The following PTH1R variants were observed in gnomAD, a reference collection of about 807,000 sequenced individuals.
PTH1R encodes parathyroid hormone/parathyroid hormone-related peptide receptor.
In PTH1R, 32 loss-of-function variants were observed where a neutral mutation model predicts 70.7. The observed-to-expected ratio is 0.45, with a 90% CI of 0.34 to 0.61. The LOEUF is 0.61. PTH1R is among the 20% of genes least tolerant of loss of function. The pLI is 0.01. For missense variants in PTH1R, 626 were observed against 792.5 expected, an observed-to-expected ratio of 0.79 and a Z score of 2.52; for synonymous variants, 329 against 324.8, an observed-to-expected ratio of 1.01 and a Z score of -0.14.
Position 46,895,866 on chromosome 3 carries a change from C to T in PTH1R, c.310C>T (p.Arg104Ter), listed in dbSNP as rs121434604. 3 of 1,612,840 alleles carry T rather than the reference C, an allele frequency of 1.9e-6. No individual in the cohort carries two copies. Among genetic ancestry groups the T allele is most frequent in the South Asian group, 1.1e-5 (1 of 90,970 alleles). The change falls in exon 5 of 16, where the codon CGA becomes TGA. Residue 104 changes from arginine to a stop codon, truncating the protein, a stop_gained. Coordinates refer to ENST00000449590, the MANE Select transcript of PTH1R (RefSeq NM_000316.3). LOFTEE classifies it high-confidence loss of function. ...DKEAPTGSRY[R>*]GRPCLPEWDH... The stretch of plus-strand genomic sequence containing the variant: ...GGAGGCACCCACTGGCAGCAGGTAC[C>T]GAGGTACGTCTCTGCTTCCATGCAT...
Position 46,895,872 on chromosome 3 carries a change from A to T in PTH1R, c.313+3A>T, listed in dbSNP as rs1274085501. 4 of 1,612,418 alleles carry T rather than the reference A, an allele frequency of 2.5e-6. No individual in the cohort carries two copies. In the African/African-American group the frequency reaches 4.0e-5, roughly 16 times the overall value. ...ACCCACTGGCAGCAGGTACCGAGGT[A>T]CGTCTCTGCTTCCATGCATCCAGCT... On this transcript the variant is annotated splice_donor_region_variant and intron_variant, in intron 5 of 15. Transcript: ENST00000449590.
Position 46,896,088 on chromosome 3 carries a change from C to A in PTH1R, c.313+219C>A, listed in dbSNP as rs940719881. ...CAGAAAGAGATGAACAGAGAACTCT[C>A]CAGCACCACACCAAGAGTGGACCCA... is the stretch of plus-strand genomic sequence containing the variant. On this transcript the variant is annotated intron_variant, in intron 5 of 15. Coordinates refer to ENST00000449590, the MANE Select transcript of PTH1R (RefSeq NM_000316.3). This position sits in a 1 kb window ranked among gnomAD's most constrained non-coding sequence, Gnocchi z 4.1. 1.3e-5 allele frequency among the ~76,000 whole-genome samples: 2 copies of A among 152,140 alleles called. No homozygotes were observed. Among genetic ancestry groups the A allele is most frequent in the Admixed American group, 6.5e-5 (1 of 15,278 alleles).
At chr3:46,899,995 G>A (rs552605186) in intron 10 of PTH1R, among the ~76,000 whole-genome samples, 4 of 152,214 alleles carry the variant, frequency 2.6e-5, no homozygotes, top group Non-Finnish European at 5.9e-5. Context: ...CTGGAGCTGC[G>A]CACTCCTCCC....
Position 46,891,361 on chromosome 3 carries a change from C to T in PTH1R, c.76-2546C>T, listed in dbSNP as rs1223936940. Among the ~76,000 whole-genome samples the T allele has an allele frequency of 6.6e-6, 1 of 152,172 alleles. No homozygotes were observed. The highest frequency in any genetic ancestry group is 1.9e-4 in the East Asian group (1 of 5,184). ...GGTCAGCTTTCGGTGGTCAGGCTGC[C>T]CAATGGCCACTCAGTTTTCAACCCA... On this transcript the variant is annotated intron_variant, in intron 3 of 15. Transcript: ENST00000449590. This position sits in a 1 kb window ranked among gnomAD's most constrained non-coding sequence, Gnocchi z 4.3.
At chr3:46,898,033 C>G (rs200800366) in intron 6 of PTH1R, 41 bp from the exon 7 acceptor site, 12 of 1,612,596 alleles carry the variant, frequency 7.4e-6, no homozygotes, top group Admixed American at 5.0e-5. Flanking sequence ...TTCAGTGCCT[C>G]GAGACCTCCC....
At chr3:46,895,626 A>G in intron 4 of PTH1R, 109 bp from the exon 5 acceptor site, 1 of 1,543,508 alleles carries the variant, frequency 6.5e-7, no homozygotes, top group Middle Eastern at 1.8e-4. Flanking sequence ...TCACCAGGGC[A>G]GGAGACAACC....
chr3:46,903,318 G>C lies in PTH1R; in HGVS notation c.1444G>C (p.Asp482His). Residue 482 changes from aspartate (D) to histidine (H), a missense_variant, in exon 16 of 16, where the codon GAC becomes CAC. Coordinates refer to ENST00000449590, the MANE Select transcript of PTH1R (RefSeq NM_000316.3). This position sits in a 1 kb window ranked among gnomAD's most constrained non-coding sequence, Gnocchi z 4.4. ...KSWSRWTLAL[D>H]FKRKARSGSS... ...TTGGAGCCGCTGGACACTGGCACTG[G>C]ACTTCAAGCGAAAGGCACGCAGCGG... 6.2e-7 allele frequency: 1 copy of C among 1,613,630 alleles called. No homozygotes were observed. Among genetic ancestry groups the C allele is most frequent in the Non-Finnish European group, 8.5e-7 (1 of 1,180,034 alleles).
At chr3:46,899,155 CT>C (rs2107043394) in intron 9 of PTH1R, 147 bp from the exon 10 acceptor site, 1 of 1,067,264 alleles carries the variant, frequency 9.4e-7, no homozygotes, top group South Asian at 1.4e-5. Context: ...CCGCATCCCC[CT>C]GAGAGAGCCC....
intron 5 of PTH1R, among the ~76,000 whole-genome samples, chr3:46,897,132 G>C (rs1575520227): frequency 1.3e-5 from 2 of 152,336 alleles, no homozygotes; most frequent in East Asian, 3.9e-4. Context: ...AGTTAGTCTG[G>C]GTACTTGCCC....
Position 46,879,398 on chromosome 3 carries a change from C to T in PTH1R, c.-106+1555C>T, listed in dbSNP as rs527919814. On this transcript the variant is annotated intron_variant, in intron 1 of 15. Transcript: ENST00000449590. This position sits in a 1 kb window ranked among gnomAD's most constrained non-coding sequence, Gnocchi z 4.7. ...CTTTTCTCATCACCAAGGGGGAAAG[C>T]AGGGTGGAAGATCAGTGGTCACAGA... Among the ~76,000 whole-genome samples the T allele has an allele frequency of 5.8e-4, 88 of 152,272 alleles. No homozygotes were observed. The highest frequency in any genetic ancestry group is 2.0e-3 in the African/African-American group (82 of 41,544).
chr3:46,890,650 A>G (rs2031364339), intron 3 of PTH1R, among the ~76,000 whole-genome samples: 1 of 151,846 alleles, frequency 6.6e-6, no homozygotes, highest in Non-Finnish European at 1.5e-5. Context: ...TTACAGGCGC[A>G]CCACCACACC....
Position 46,894,191 on chromosome 3 carries a change from C to T in PTH1R, c.178+182C>T, listed in dbSNP as rs724449. On this transcript the variant is annotated intron_variant, in intron 4 of 15. Transcript: ENST00000449590. Reference sequence around the variant, plus strand: ...GGTGCAAGAGTGGAGTCAGCAGGCTCGGGCATCCATGGCTTGTCCTAAGTC... The same window carrying T: ...GGTGCAAGAGTGGAGTCAGCAGGCTTGGGCATCCATGGCTTGTCCTAAGTC... Among the ~76,000 whole-genome samples the T allele has an allele frequency of 0.49, 74,980 of 151,854 alleles. 20,165 individuals carry two copies. Among genetic ancestry groups the T allele is most frequent in the Non-Finnish European group, 0.6 (40,631 of 67,916 alleles).
intron 1 of PTH1R, among the ~76,000 whole-genome samples, chr3:46,880,795 T>G (rs571744284): frequency 6.6e-6 from 1 of 152,030 alleles, no homozygotes; most frequent in Non-Finnish European, 1.5e-5. Context: ...ACATGGGGAA[T>G]GCACCTGGGA....
intron 3 of PTH1R, among the ~76,000 whole-genome samples, chr3:46,890,777 T>C (rs1289115720): frequency 6.6e-6 from 1 of 152,166 alleles, no homozygotes; most frequent in Non-Finnish European, 1.5e-5. Context: ...CTGGGATTAC[T>C]GGTGTTAGCC....
chr3:46,899,893 C>T (rs768838542), intron 10 of PTH1R, among the ~76,000 whole-genome samples: 4 of 152,238 alleles, frequency 2.6e-5, no homozygotes, highest in Non-Finnish European at 5.9e-5. Flanking sequence ...CCATTGCCAG[C>T]CTCAGCAGGC....
At chr3:46,881,631 T>C (rs2030572794) in intron 2 of PTH1R, among the ~76,000 whole-genome samples, 1 of 151,300 alleles carries the variant, frequency 6.6e-6, no homozygotes, top group Non-Finnish European at 1.5e-5. Context: ...GATGTGTGGC[T>C]GCAGACCTGG....
chr3:46,890,655 C>G (rs1280897183), intron 3 of PTH1R, among the ~76,000 whole-genome samples: 1 of 152,010 alleles, frequency 6.6e-6, no homozygotes, highest in African/African-American at 2.4e-5. Flanking sequence ...GGCGCACCAC[C>G]ACACCCAGCT....
rs1317526543 is a variant in PTH1R at position 46,897,785 on chromosome 3, C to T, written c.314-70C>T. 5 of 1,315,618 alleles carry T rather than the reference C, an allele frequency of 3.8e-6. No homozygotes were observed. The African/African-American group carries it at 7.2e-5, about 19-fold the overall frequency. 81.5% of individuals were successfully genotyped at this position (1,315,618 alleles called of 1,614,324 possible). ...ACAAACAAACCACAGATGTATTCAT[C>T]CTTCTGGGTCACTAATCATGGCCTT... On this transcript the variant is annotated intron_variant, in intron 5 of 15. Coordinates refer to ENST00000449590, the MANE Select transcript of PTH1R (RefSeq NM_000316.3).
chr3:46,880,775 C>A (rs374623177), intron 1 of PTH1R, among the ~76,000 whole-genome samples: 1 of 151,780 alleles, frequency 6.6e-6, no homozygotes, highest in African/African-American at 2.4e-5. Context: ...AAAGTAGCAG[C>A]AGAAGAAATA....
Sources: allele counts gnomAD v4.1 joint callset (sites outside exome capture counted in the v4.1 genomes callset), GRCh38; gene constraint gnomAD v4.1.1; non-coding constraint Gnocchi (gnomAD v3.1); transcripts MANE v1.5; gene names NCBI Gene and HGNC (gene_info 2026-07-23, HGNC 2026-07-21).